The following MAP3K5 variants were observed in gnomAD, a reference collection of about 807,000 sequenced individuals.
The protein encoded by MAP3K5 is ASK-1.
A neutral mutation model predicts 158.7 loss-of-function variants in MAP3K5; 56 were observed. The ratio of observed to expected loss-of-function variants is 0.35; its 90% CI spans 0.28 to 0.44. The LOEUF is 0.44. MAP3K5 is among the 20% of genes least tolerant of loss of function. The probability of loss-of-function intolerance (pLI) is 1.00; values close to 1 mark genes in which losing one functional copy is unlikely to be tolerated. For synonymous variants in MAP3K5, 579 were observed against 601.7 expected (o/e 0.96, Z 0.55); for missense variants, 1,294 against 1,674.8 (o/e 0.77, Z 3.97).
At chr6:136,784,239 G>A (rs1172087927) in intron 1 of MAP3K5, among the ~76,000 whole-genome samples, 1 of 152,364 alleles carries the variant, frequency 6.6e-6, no homozygotes, top group Non-Finnish European at 1.5e-5. Context: ...CCAGGAAGCA[G>A]AGCCGGTCAT....
chr6:136,704,295 T>G (rs1046058663), intron 3 of MAP3K5, among the ~76,000 whole-genome samples: 4 of 152,174 alleles, frequency 2.6e-5, no homozygotes, highest in Admixed American at 2.6e-4. Flanking sequence ...TACCTTATCA[T>G]GATTACAGAC....
intron 1 of MAP3K5, among the ~76,000 whole-genome samples, chr6:136,774,208 T>G (rs1236764407): frequency 6.6e-6 from 1 of 152,208 alleles, no homozygotes; most frequent in Non-Finnish European, 1.5e-5. Context: ...CCATGATTTG[T>G]GCTCTCAAAG....
chr6:136,566,916 C>T (rs753133166), intron 26 of MAP3K5, among the ~76,000 whole-genome samples: 3 of 152,018 alleles, frequency 2.0e-5, no homozygotes, highest in East Asian at 3.9e-4. Flanking sequence ...TTTATTGATT[C>T]GCTTAAAAAA....
intron 1 of MAP3K5, among the ~76,000 whole-genome samples, chr6:136,756,729 A>C (rs1195113993): frequency 6.6e-6 from 1 of 152,220 alleles, no homozygotes; most frequent in Non-Finnish European, 1.5e-5. Flanking sequence ...GATTCATCAC[A>C]AGACAGTTTC....
intron 14 of MAP3K5, among the ~76,000 whole-genome samples, chr6:136,629,877 G>A (rs553558968): frequency 5.3e-5 from 8 of 151,904 alleles, no homozygotes; most frequent in African/African-American, 1.2e-4. Flanking sequence ...TTAGCCTCCC[G>A]AGTAGCTGGG....
At chr6:136,757,579 A>ATTTTTTTTTTTTTTTTT (rs776508913) in intron 1 of MAP3K5, among the ~76,000 whole-genome samples, 1 of 111,970 alleles carries the variant, frequency 8.9e-6, no homozygotes, top group African/African-American at 3.2e-5. Flanking sequence ...TTATTTATTT[A>ATTTTTTTTTTTTTTTTT]TTTTTTATTT....
Position 136,622,880 on chromosome 6 carries a change from A to T in MAP3K5, c.2118T>A (p.Ile706=). ...CTCTCTCTGGGATTTCCTTAATAGC[A>T]ATTCTGACTTGGTTGCTCAAGTCCC... ...AGRDLSNQVR[I]AIKEIPERDS... The change falls in exon 15 of 30, where the codon ATT becomes ATA. Residue 706 remains isoleucine (I), a synonymous_variant. Transcript: ENST00000359015. 1 of 1,613,430 alleles carries T rather than the reference A, an allele frequency of 6.2e-7. No individual in the cohort carries two copies. The highest frequency in any genetic ancestry group is 1.1e-5 in the South Asian group (1 of 91,064).
At chr6:136,743,031 A>G (rs766370179) in intron 1 of MAP3K5, among the ~76,000 whole-genome samples, 19 of 152,220 alleles carry the variant, frequency 1.2e-4, no homozygotes, top group Non-Finnish European at 2.5e-4. Context: ...TGAAGGCTGC[A>G]GTGAGCTATG....
intron 1 of MAP3K5, among the ~76,000 whole-genome samples, chr6:136,773,957 G>A (rs77791890): frequency 1.5e-4 from 23 of 152,160 alleles, no homozygotes; most frequent in Admixed American, 5.9e-4. Context: ...ACCATGCCCC[G>A]CCGTCCATCT....
chr6:136,592,582 C>T lies in MAP3K5; in HGVS notation c.2911G>A (p.Val971Met). 1 of 1,613,892 alleles carries T rather than the reference C, an allele frequency of 6.2e-7. No homozygotes were observed. The highest frequency in any genetic ancestry group is 8.5e-7 in the Non-Finnish European group (1 of 1,179,930). ...CTGCTGCTGGTGTCCTCCACCAGCA[C>T]AGGTACCGGCAAGGATATACTCCTG... The part of the protein sequence containing the change: ...YLRSISLPVP[V>M]LVEDTSSSSE... The change falls in exon 22 of 30, where the codon GTG becomes ATG. Residue 971 changes from valine to methionine, a missense_variant. By Grantham distance (21) the Val-to-Met change is conservative. This residue lies in a region of MAP3K5 where 362 missense variants were observed against 463.2 expected (regional missense o/e 0.78). Coordinates refer to ENST00000359015, the MANE Select transcript of MAP3K5 (RefSeq NM_005923.4).
At chr6:136,728,027 A>G (rs1764438435) in intron 1 of MAP3K5, among the ~76,000 whole-genome samples, 1 of 152,146 alleles carries the variant, frequency 6.6e-6, no homozygotes, top group African/African-American at 2.4e-5. Context: ...AAGACACAAA[A>G]ATCTCCTACA....
intron 7 of MAP3K5, among the ~76,000 whole-genome samples, chr6:136,679,494 A>G (rs1466794341): frequency 6.6e-6 from 1 of 152,230 alleles, no homozygotes; most frequent in African/African-American, 2.4e-5. Flanking sequence ...ACTCAGAAAC[A>G]AAGCAGGACA....
At chr6:136,644,997 T>A in intron 11 of MAP3K5, among the ~76,000 whole-genome samples, 1 of 152,174 alleles carries the variant, frequency 6.6e-6, no homozygotes, top group East Asian at 1.9e-4. Context: ...GGGGTAATCA[T>A]AGCTCACTAC....
At chr6:136,605,724 A>G (rs1312797388) in intron 18 of MAP3K5, among the ~76,000 whole-genome samples, 2 of 152,238 alleles carry the variant, frequency 1.3e-5, no homozygotes, top group Non-Finnish European at 2.9e-5. Context: ...CATTTCTTGA[A>G]GTGCATGAAG....
chr6:136,577,971 T>C (rs184604154), intron 25 of MAP3K5, among the ~76,000 whole-genome samples: 37 of 152,306 alleles, frequency 2.4e-4, no homozygotes, highest in Admixed American at 1.7e-3. Flanking sequence ...AAACAGATCA[T>C]TTATATGCTA....
intron 1 of MAP3K5, among the ~76,000 whole-genome samples, chr6:136,776,038 T>C (rs1258110956): frequency 6.6e-6 from 1 of 152,138 alleles, no homozygotes; most frequent in Non-Finnish European, 1.5e-5. Context: ...AAGTGGAGAG[T>C]CCTGAGTTCT....
intron 23 of MAP3K5, among the ~76,000 whole-genome samples, chr6:136,587,303 G>A (rs1381417859): frequency 6.6e-6 from 1 of 152,080 alleles, no homozygotes; most frequent in African/African-American, 2.4e-5. Context: ...ATTGATTGTA[G>A]AAAAAAATTA....
At chr6:136,775,027 T>A (rs770659682) in intron 1 of MAP3K5, among the ~76,000 whole-genome samples, 1 of 152,208 alleles carries the variant, frequency 6.6e-6, no homozygotes, top group Non-Finnish European at 1.5e-5. Context: ...ATGATTTGAA[T>A]ACTGAATCCT....
chr6:136,697,151 G>T (rs905908594), intron 5 of MAP3K5, 68 bp downstream of exon 5: 261 of 1,380,442 alleles, frequency 1.9e-4, no homozygotes, highest in Non-Finnish European at 3.4e-5. Context: ...ACTGAAATTT[G>T]AGGTTAATAC....
Sources: gnomAD v4.1 joint callset for allele counts (sites outside exome capture counted in the v4.1 genomes callset) on GRCh38, gnomAD v4.1.1 for gene constraint, gnomAD v4.1.1 regional missense constraint, MANE v1.5 for transcripts, NCBI Gene and HGNC (gene_info 2026-07-23, HGNC 2026-07-21) for gene names.